Variants in ZNF385A observed in about 807,000 individuals in gnomAD.
ZNF385A encodes hematopoietic zinc finger protein.
ZNF385A carries 14 observed loss-of-function variants against 32.1 expected under a neutral mutation model. That is an observed-to-expected ratio of 0.44 (90% CI 0.29 to 0.68). ZNF385A has a LOEUF of 0.68. Ranked by LOEUF, ZNF385A falls within the 30% of genes least tolerant of loss-of-function variation. ZNF385A has a pLI of 0.14. For synonymous variants in ZNF385A, 197 were observed against 202.7 expected (o/e 0.97, Z 0.24); for missense variants, 406 against 478.4 (o/e 0.85, Z 1.41).
chr12:54,376,215 T>C (rs1214225869), intron 1 of ZNF385A, among the ~76,000 whole-genome samples: 1 of 152,210 alleles, frequency 6.6e-6, no homozygotes, highest in Non-Finnish European at 1.5e-5. Context: ...CATGAGTTAA[T>C]AGCAGATCTG....
intron 1 of ZNF385A, among the ~76,000 whole-genome samples, chr12:54,383,930 C>A (rs185273870): frequency 2.0e-5 from 3 of 152,238 alleles, no homozygotes; most frequent in Non-Finnish European, 4.4e-5. Flanking sequence ...ATAGACAGCA[C>A]CTCCTTATTT....
chr12:54,379,138 G>C, intron 1 of ZNF385A: 4 of 981,334 alleles, frequency 4.1e-6, no homozygotes, highest in Non-Finnish European at 4.8e-6. Context: ...GCGCCTGGCC[G>C]GGCCGGGCAG....
chr12:54,372,009 G>A (rs1411312266), intron 3 of ZNF385A, among the ~76,000 whole-genome samples: 1 of 152,210 alleles, frequency 6.6e-6, no homozygotes, highest in Non-Finnish European at 1.5e-5. Flanking sequence ...CAGGGGGAGA[G>A]GCATGCAACA....
chr12:54,388,036 A>AGCGTGT (rs1411065454), upstream of ZNF385A, among the ~76,000 whole-genome samples: 1 of 127,484 alleles, frequency 7.8e-6, no homozygotes, highest in African/African-American at 3.2e-5. Flanking sequence ...AGCAAATTGA[A>AGCGTGT]GTGTGTGTAA....
Position 54,369,979 on chromosome 12 carries a change from G to C in ZNF385A, c.*277C>G. 2.8e-6 allele frequency: 1 copy of C among 363,614 alleles called. No individual in the cohort carries two copies. 22.5% of individuals were successfully genotyped at this position (363,614 alleles called of 1,614,324 possible). On this transcript the variant is annotated 3_prime_UTR_variant, in exon 7 of 7. Transcript: ENST00000394313. ...ATGGACATGGCTTTTGGGAGGGGGG[G>C]TGTCTCCAAGGGGGCTCGGGGGTGA...
chr12:54,370,366 C>A lies in ZNF385A; in HGVS notation c.991G>T (p.Ala331Ser), dbSNP rs1297077320. Residue 331 changes from alanine to serine, a missense_variant, in exon 7 of 7, where the codon GCT becomes TCT. Coordinates refer to ENST00000394313, the MANE Select transcript of ZNF385A (RefSeq NM_015481.3). The surrounding 1 kb of genome is among the most constrained non-coding windows in gnomAD (Gnocchi z 5.5). ...CCCTGGAGAAGAGGTGCGGCTGGAGCCGGGCGCAGGGACAGCGGCGAGCCT... is the reference window on the plus strand; with the variant it reads ...CCCTGGAGAAGAGGTGCGGCTGGAGACGGGCGCAGGGACAGCGGCGAGCCT... Reference protein sequence around the residue: ...AAGSPLSLRPAPAAPLLQGPP... With the variant: ...AAGSPLSLRPSPAAPLLQGPP... 4.0e-6 allele frequency: 6 copies of A among 1,508,968 alleles called. No homozygotes were observed. The East Asian group carries it at 9.8e-5, about 25-fold the overall frequency. The allele number at this position is 1,508,968 out of a possible 1,614,324, so 93.5% of individuals were successfully genotyped here.
chr12:54,387,603 G>A (rs1002935577), upstream of ZNF385A, among the ~76,000 whole-genome samples: 2 of 152,220 alleles, frequency 1.3e-5, no homozygotes, highest in African/African-American at 4.8e-5. Context: ...CTAGCTGGGT[G>A]AGCAGCTAGG....
intron 1 of ZNF385A, among the ~76,000 whole-genome samples, chr12:54,377,858 A>G (rs1954927177): frequency 6.6e-6 from 1 of 152,062 alleles, no homozygotes; most frequent in Admixed American, 6.6e-5. Context: ...CAGTAGGGAG[A>G]GAGGAGTGGG....
At chr12:54,382,365 C>G (rs571440979) in intron 1 of ZNF385A, among the ~76,000 whole-genome samples, 1 of 152,060 alleles carries the variant, frequency 6.6e-6, no homozygotes, top group Admixed American at 6.5e-5. Context: ...TGAGCCACCA[C>G]GCCTGGCCCA....
At chr12:54,385,594 C>CG (rs1375775986), upstream of ZNF385A, 1 of 977,646 alleles carries the variant, frequency 1.0e-6, no homozygotes, top group Non-Finnish European at 1.2e-6. Context: ...GTGCTTGGCC[C>CG]GTCCTCCCTT....
At chr12:54,385,430 G>T (rs61921451), upstream of ZNF385A, among the ~76,000 whole-genome samples, 28 of 152,234 alleles carry the variant, frequency 1.8e-4, no homozygotes, top group Non-Finnish European at 3.4e-4. Context: ...GCAGCCCAAA[G>T]GTCCTCAGAG....
At chr12:54,377,360 A>C (rs888712977) in intron 1 of ZNF385A, among the ~76,000 whole-genome samples, 1 of 152,118 alleles carries the variant, frequency 6.6e-6, no homozygotes, top group Non-Finnish European at 1.5e-5. Context: ...AAGCCTCTCT[A>C]AGGGCTCACT....
chr12:54,379,476 C>A (rs1221769346), intron 1 of ZNF385A, among the ~76,000 whole-genome samples: 2 of 151,990 alleles, frequency 1.3e-5, no homozygotes, highest in Non-Finnish European at 2.9e-5. Flanking sequence ...AGGGTCCCCA[C>A]CAACTCAGAC....
chr12:54,381,496 CCTTGGACAATTCA>C, intron 1 of ZNF385A: 1 of 152,284 alleles, frequency 6.6e-6, no homozygotes, highest in Non-Finnish European at 1.5e-5. Flanking sequence ...AGCTTTGTGA[CCTTGGACAATTCA>C]CTTAACCTCT....
At chr12:54,382,578 T>C (rs1955250724) in intron 1 of ZNF385A, among the ~76,000 whole-genome samples, 1 of 152,252 alleles carries the variant, frequency 6.6e-6, no homozygotes, top group Non-Finnish European at 1.5e-5. Context: ...AATGGAATAA[T>C]AATGTCTACC....
chr12:54,380,936 G>A (rs1217545685), intron 1 of ZNF385A, among the ~76,000 whole-genome samples: 2 of 152,080 alleles, frequency 1.3e-5, no homozygotes, highest in Non-Finnish European at 1.5e-5. Context: ...AGTGGCTCAT[G>A]CTTGTAATCC....
At chr12:54,386,211 G>C (rs2706252), upstream of ZNF385A, among the ~76,000 whole-genome samples, 16,732 of 139,692 alleles carry the variant, frequency 0.12, 1,204 homozygotes, top group South Asian at 0.26. Context: ...CACACACACA[G>C]AGAGACGGAC....
chr12:54,370,694 C>T lies in ZNF385A; in HGVS notation c.802G>A (p.Gly268Ser). 1 of 1,599,870 alleles carries T rather than the reference C, an allele frequency of 6.3e-7. No individual in the cohort carries two copies. The change falls in exon 6 of 7, where the codon GGC becomes AGC. Residue 268 changes from glycine (G) to serine (S), a missense_variant. By Grantham distance (56) the Gly-to-Ser change is moderately conservative. Transcript: ENST00000394313. This position sits in a 1 kb window ranked among gnomAD's most constrained non-coding sequence, Gnocchi z 5.5. Reference sequence around the variant, plus strand: ...AGTGGGTTGGGCTTCCCGGCCACGCCGTCTCGGTGCCGCCGGCTGGAGATG... The same window carrying T: ...AGTGGGTTGGGCTTCCCGGCCACGCTGTCTCGGTGCCGCCGGCTGGAGATG... ...QHISSRRHRD[G>S]VAGKPNPLLS... is the part of the protein sequence containing the mutation.
chr12:54,376,069 A>C, intron 1 of ZNF385A, 115 bp from the exon 2 acceptor site: 5 of 758,802 alleles, frequency 6.6e-6, no homozygotes, highest in South Asian at 1.5e-5. Context: ...ATCCCTTAAT[A>C]TGCCTGAGGG....
Sources: gnomAD v4.1 joint callset for allele counts (sites outside exome capture counted in the v4.1 genomes callset) on GRCh38, gnomAD v4.1.1 for gene constraint, Gnocchi (gnomAD v3.1) non-coding constraint, MANE v1.5 for transcripts, NCBI Gene and HGNC (gene_info 2026-07-23, HGNC 2026-07-21) for gene names.